Variants in KCNK2 observed in about 807,000 individuals in gnomAD.
KCNK2 encodes potassium two pore domain channel subfamily K member 2.
In KCNK2, 21 loss-of-function variants were observed where a neutral mutation model predicts 40.5. The observed-to-expected ratio is 0.52, with a 90% confidence interval of 0.37 to 0.75. The LOEUF (loss-of-function observed/expected upper bound fraction) is 0.75. Among genes scored for constraint, KCNK2 ranks in the 30% least tolerant of loss-of-function variants. The pLI, the probability that KCNK2 is intolerant of heterozygous loss-of-function variation, is 0.00. For missense variants in KCNK2, 399 were observed against 531.6 expected, an observed-to-expected ratio of 0.75 and a Z score of 2.45; for synonymous variants, 191 against 202.2, an observed-to-expected ratio of 0.94 and a Z score of 0.47.
At chr1:215,169,976 G>A (rs945870706) in intron 4 of KCNK2, among the ~76,000 whole-genome samples, 3 of 151,838 alleles carry the variant, frequency 2.0e-5, no homozygotes, top group African/African-American at 7.3e-5. Flanking sequence ...GTGTCTCCCA[G>A]CTATATTCTC....
At position 215,235,467 on chromosome 1, in the gene KCNK2, G is replaced by A; in HGVS notation, c.*322G>A. 1 of 242,514 alleles carries A rather than the reference G, an allele frequency of 4.1e-6. No homozygotes were observed. Among genetic ancestry groups the A allele is most frequent in the Non-Finnish European group, 8.1e-6 (1 of 123,778 alleles). The allele number at this position is 242,514 out of a possible 1,614,324, so 15.0% of individuals were successfully genotyped here. ...TCAGAATGAATGAGAATTGTTTCTGGTAACAATGTAGCTTTGAGGGATCAG... is the reference window on the plus strand; with the variant it reads ...TCAGAATGAATGAGAATTGTTTCTGATAACAATGTAGCTTTGAGGGATCAG... On this transcript the variant is annotated 3_prime_UTR_variant, in exon 7 of 7. Coordinates refer to ENST00000444842, the MANE Select transcript of KCNK2 (RefSeq NM_001017425.3).
intron 4 of KCNK2, among the ~76,000 whole-genome samples, 179 bp from the exon 5 acceptor site, chr1:215,171,818 G>C (rs1411171466): frequency 6.6e-6 from 1 of 152,066 alleles, no homozygotes; most frequent in African/African-American, 2.4e-5. Flanking sequence ...TAAAAACTAA[G>C]TGTAAAAGAA....
chr1:215,195,281 T>C (rs2102665549), intron 6 of KCNK2, among the ~76,000 whole-genome samples, 189 bp downstream of exon 6: 1 of 152,276 alleles, frequency 6.6e-6, no homozygotes, highest in East Asian at 1.9e-4. Flanking sequence ...TTAGAAAATG[T>C]TTCTGTGCCA....
Position 215,195,025 on chromosome 1 carries a change from A to G in KCNK2, c.896A>G (p.Tyr299Cys). Reference protein sequence around the residue: ...VWFWILVGLAYFAAVLSMIGD... With the variant: ...VWFWILVGLACFAAVLSMIGD... ...TTCTGGATCCTTGTAGGGCTTGCTT[A>G]CTTTGCTGCTGTCCTGAGCATGATT... is the stretch of plus-strand genomic sequence containing the variant. The change falls in exon 6 of 7, where the codon TAC (tyrosine) becomes TGC (cysteine). Residue 299 changes from tyrosine (Y) to cysteine (C), a missense_variant. By Grantham distance (194) the Tyr-to-Cys change is radical. Transcript: ENST00000444842. 1 of 1,613,570 alleles carries G rather than the reference A, an allele frequency of 6.2e-7. No homozygotes were observed. The highest frequency in any genetic ancestry group is 8.5e-7 in the Non-Finnish European group (1 of 1,179,654).
At chr1:215,206,946 ATCT>A (rs1665337687) in intron 6 of KCNK2, among the ~76,000 whole-genome samples, 1 of 152,184 alleles carries the variant, frequency 6.6e-6, no homozygotes, top group Admixed American at 6.5e-5. Context: ...TCTCTTGGCT[ATCT>A]TCTTAAAGAA....
Position 215,075,910 on chromosome 1 carries a change from G to A in KCNK2, c.35-10458G>A, listed in dbSNP as rs577326690. 3.3e-5 allele frequency among the ~76,000 whole-genome samples: 5 copies of A among 152,292 alleles called. No homozygotes were observed. In the South Asian group the frequency reaches 1.0e-3, roughly 32 times the overall value. On this transcript the variant is annotated intron_variant, in intron 1 of 6. Coordinates refer to the KCNK2 transcript ENST00000391895. The stretch of plus-strand genomic sequence containing the variant: ...CTAGCAGCATCAGCAGAATAACCGG[G>A]GAACTTGTTATTCATGGCCCACCCC...
chr1:215,090,982 GA>G (rs951487513), intron 2 of KCNK2, among the ~76,000 whole-genome samples: 1 of 151,492 alleles, frequency 6.6e-6, no homozygotes. Context: ...TAAGATGATG[GA>G]AAAAAAACAC....
chr1:215,144,841 C>T (rs1319045820), intron 3 of KCNK2, among the ~76,000 whole-genome samples: 1 of 152,118 alleles, frequency 6.6e-6, no homozygotes, highest in Non-Finnish European at 1.5e-5. Flanking sequence ...TTCAAAATAA[C>T]AGGCTTTGCT....
intron 3 of KCNK2, among the ~76,000 whole-genome samples, chr1:215,132,630 C>A (rs1294341365): frequency 6.6e-6 from 1 of 151,988 alleles, no homozygotes; most frequent in Non-Finnish European, 1.5e-5. Context: ...AAATTTGGGT[C>A]TTTTATTTTG....
At chr1:215,014,293 A>G (rs1428682879) in intron 1 of KCNK2, among the ~76,000 whole-genome samples, 2 of 151,946 alleles carry the variant, frequency 1.3e-5, no homozygotes, top group Non-Finnish European at 2.9e-5. Flanking sequence ...TTGTTTGCAT[A>G]CTGTTGGATT....
intron 3 of KCNK2, among the ~76,000 whole-genome samples, chr1:215,152,835 CAG>C (rs145835992): frequency 0.049 from 7,470 of 152,168 alleles, 598 homozygotes; most frequent in African/African-American, 0.17. Flanking sequence ...CATGTTTAGT[CAG>C]AGTTACTTAC....
chr1:215,209,488 C>CAT (rs1491265622), intron 6 of KCNK2, among the ~76,000 whole-genome samples: 4 of 15,894 alleles, frequency 2.5e-4, no homozygotes, highest in Non-Finnish European at 8.6e-4. Context: ...ATATATAATA[C>CAT]ATATATATAA....
chr1:215,180,753 A>G (rs1029025933), intron 5 of KCNK2, among the ~76,000 whole-genome samples: 1 of 152,040 alleles, frequency 6.6e-6, no homozygotes, highest in Non-Finnish European at 1.5e-5. Flanking sequence ...TGTTCCCCTT[A>G]TATATGATTT....
chr1:215,139,302 T>C (rs533700332), intron 3 of KCNK2, among the ~76,000 whole-genome samples: 2 of 152,310 alleles, frequency 1.3e-5, no homozygotes, highest in Admixed American at 6.5e-5. Flanking sequence ...TCCTTTGTTA[T>C]ACAAGTGAAG....
In KCNK2 at chr1:215,086,555, C is replaced by T. The variant is rs760836142; in HGVS notation, c.234C>T (p.Thr78=). ...VVVLYLIIGA[T]VFKALEQPHE... ...TCCTCTATCTGATCATCGGAGCCAC[C>T]GTGTTCAAAGCATTGGAGCAGCCTC... The change falls in exon 2 of 7, where the codon ACC becomes ACT. Residue 78 remains threonine (T), a synonymous_variant. Coordinates refer to ENST00000444842, the MANE Select transcript of KCNK2 (RefSeq NM_001017425.3). 3.2e-5 allele frequency: 52 copies of T among 1,614,016 alleles called. No individual in the cohort carries two copies. The Admixed American group carries it at 6.8e-4, about 21-fold the overall frequency.
At chr1:215,185,440 G>T (rs2102653429) in intron 5 of KCNK2, among the ~76,000 whole-genome samples, 1 of 152,216 alleles carries the variant, frequency 6.6e-6, no homozygotes, top group Non-Finnish European at 1.5e-5. Context: ...TAGCAGATGT[G>T]TGCCCTTTGC....
At position 215,105,624 on chromosome 1, in the gene KCNK2, A is replaced by C. The variant is rs61818311; in HGVS notation, c.357+18946A>C. On this transcript the variant is annotated intron_variant, in intron 2 of 6. Coordinates refer to ENST00000444842, the MANE Select transcript of KCNK2 (RefSeq NM_001017425.3). ...TTCAACTTTTAGATGCAGGGAGTAC[A>C]TGTGCAGATTTGTTACAAGGGTATA... Among the ~76,000 whole-genome samples, 1,471 of 152,154 alleles carry C rather than the reference A, an allele frequency of 9.7e-3. 23 individuals carry two copies. Among genetic ancestry groups the C allele is most frequent in the South Asian group, 0.061 (293 of 4,804 alleles).
At chr1:215,046,851 C>A (rs542805416) in intron 1 of KCNK2, among the ~76,000 whole-genome samples, 1 of 152,014 alleles carries the variant, frequency 6.6e-6, no homozygotes, top group Non-Finnish European at 1.5e-5. Flanking sequence ...GAAGTTTGAG[C>A]AGATTATAGA....
intron 2 of KCNK2, among the ~76,000 whole-genome samples, chr1:215,094,010 A>G (rs1659870984): frequency 7.0e-6 from 1 of 142,018 alleles, no homozygotes; most frequent in Admixed American, 7.8e-5. Context: ...GGTTTTTGTC[A>G]TTACTTTCAA....
Sources: allele counts gnomAD v4.1 joint callset (sites outside exome capture counted in the v4.1 genomes callset), GRCh38; gene constraint gnomAD v4.1.1; transcripts MANE v1.5; gene names NCBI Gene and HGNC (gene_info 2026-07-23, HGNC 2026-07-21).